MIR2052HG: variants seen among roughly 807,000 people sequenced by gnomAD.
The protein encoded by MIR2052HG is MIR2052 host gene.
At chr8:74,600,115 T>G (rs1322166683) in intron 1 of MIR2052HG, among the ~76,000 whole-genome samples, 1 of 152,018 alleles carries the variant, frequency 6.6e-6, no homozygotes, top group South Asian at 2.1e-4. Flanking sequence ...CCACTGACCT[T>G]CGCCCACTGT....
chr8:74,700,062 A>G (rs973492882), intron 2 of MIR2052HG, among the ~76,000 whole-genome samples: 3 of 152,166 alleles, frequency 2.0e-5, no homozygotes, highest in African/African-American at 7.2e-5. Flanking sequence ...TGAAGGTAAA[A>G]TCATTTTACC....
At chr8:74,678,394 A>C (rs1179470796) in intron 2 of MIR2052HG, among the ~76,000 whole-genome samples, 7 of 152,062 alleles carry the variant, frequency 4.6e-5, no homozygotes, top group Non-Finnish European at 1.5e-5. Flanking sequence ...CCCCGTCTCT[A>C]CTAAAAATAA....
At chr8:74,604,294 C>A in intron 1 of MIR2052HG, 2 of 726,052 alleles carry the variant, frequency 2.8e-6, no homozygotes, top group South Asian at 2.8e-5. Context: ...AGTCTTTGGT[C>A]ACTGATGGGG....
intron 2 of MIR2052HG, among the ~76,000 whole-genome samples, chr8:74,627,711 T>C (rs1808454620): frequency 6.6e-6 from 1 of 152,212 alleles, no homozygotes; most frequent in Non-Finnish European, 1.5e-5. Context: ...TGGTTGTCCA[T>C]GTAATGGTGT....
intron 2 of MIR2052HG, among the ~76,000 whole-genome samples, chr8:74,634,206 G>A (rs1808553848): frequency 1.3e-5 from 2 of 152,144 alleles, no homozygotes; most frequent in Admixed American, 1.3e-4. Context: ...CTTAGAACAG[G>A]CATTCAGGAA....
chr8:74,739,312 C>A (rs1809802898), intron 4 of MIR2052HG, among the ~76,000 whole-genome samples: 1 of 152,166 alleles, frequency 6.6e-6, no homozygotes, highest in Non-Finnish European at 1.5e-5. Context: ...GTGAAATCAA[C>A]TATAAGCTGC....
At chr8:74,752,352 G>A in intron 4 of MIR2052HG, 1 of 391,232 alleles carries the variant, frequency 2.6e-6, no homozygotes, top group South Asian at 1.8e-5. Flanking sequence ...CAAAGGCATA[G>A]GTCTCAATTA....
At position 74,679,334 on chromosome 8, in the gene MIR2052HG, A is replaced by G. The variant is rs544179596; in HGVS notation, n.217-23045A>G. Among the ~76,000 whole-genome samples the G allele has an allele frequency of 2.0e-5, 3 of 152,126 alleles. No individual in the cohort carries two copies. The South Asian group carries it at 6.2e-4, about 32-fold the overall frequency. On this transcript the variant is annotated intron_variant and non_coding_transcript_variant, in intron 2 of 6. Coordinates refer to ENST00000523442, the Ensembl canonical transcript of MIR2052HG. ...AGCTTAGCTCCCACTTATAAGTGAC[A>G]ACACATGATATTTGGTTTTCCATTC...
intron 2 of MIR2052HG, among the ~76,000 whole-genome samples, chr8:74,634,070 T>A (rs1808552150): frequency 6.6e-6 from 1 of 152,098 alleles, no homozygotes; most frequent in South Asian, 2.1e-4. Context: ...TTCAGTAAGG[T>A]GGAGAGGCTT....
At chr8:74,722,404 A>G (rs1319992232) in intron 4 of MIR2052HG, among the ~76,000 whole-genome samples, 2 of 152,204 alleles carry the variant, frequency 1.3e-5, no homozygotes, top group African/African-American at 2.4e-5. Flanking sequence ...TTAGCATCCT[A>G]TTGATTTCCA....
chr8:74,608,228 C>T (rs1808140735), intron 1 of MIR2052HG, among the ~76,000 whole-genome samples: 1 of 150,814 alleles, frequency 6.6e-6, no homozygotes, highest in Admixed American at 6.6e-5. Context: ...ATTAGATGAA[C>T]TTGCCCTATA....
At chr8:74,695,540 C>G (rs893221255) in intron 2 of MIR2052HG, among the ~76,000 whole-genome samples, 1 of 152,160 alleles carries the variant, frequency 6.6e-6, no homozygotes, top group South Asian at 2.1e-4. Context: ...AATTCACTAA[C>G]CAAGTATCTT....
At chr8:74,707,278 C>A (rs533740174) in intron 4 of MIR2052HG, among the ~76,000 whole-genome samples, 1 of 152,180 alleles carries the variant, frequency 6.6e-6, no homozygotes, top group African/African-American at 2.4e-5. Flanking sequence ...GTCTAATGGC[C>A]ACATCTGCCC....
intron 2 of MIR2052HG, among the ~76,000 whole-genome samples, chr8:74,680,398 T>C (rs940913129): frequency 6.6e-6 from 1 of 151,666 alleles, no homozygotes; most frequent in Non-Finnish European, 1.5e-5. Flanking sequence ...AAAAAGTGGG[T>C]GAAGGACATG....
At chr8:74,608,030 A>G (rs1808137457) in intron 1 of MIR2052HG, among the ~76,000 whole-genome samples, 2 of 152,238 alleles carry the variant, frequency 1.3e-5, no homozygotes, top group African/African-American at 4.8e-5. Flanking sequence ...AAGGTGTCCA[A>G]AAACTCTCCA....
intron 1 of MIR2052HG, among the ~76,000 whole-genome samples, chr8:74,612,201 C>T (rs764775670): frequency 2.0e-4 from 30 of 152,314 alleles, no homozygotes; most frequent in Admixed American, 5.9e-4. Context: ...CTTTATCTCA[C>T]AATGTTCCAT....
At chr8:74,615,540 T>C (rs1401967494) in intron 2 of MIR2052HG, among the ~76,000 whole-genome samples, 1 of 152,154 alleles carries the variant, frequency 6.6e-6, no homozygotes, top group Non-Finnish European at 1.5e-5. Context: ...ATTTACATTT[T>C]CCCTGATAAC....
intron 4 of MIR2052HG, among the ~76,000 whole-genome samples, chr8:74,751,125 C>T (rs536112634): frequency 2.6e-5 from 4 of 152,078 alleles, no homozygotes; most frequent in Non-Finnish European, 4.4e-5. Flanking sequence ...CGGTCGTTTG[C>T]GGTCATGTGC....
At chr8:74,726,697 A>G (rs1223501250) in intron 4 of MIR2052HG, among the ~76,000 whole-genome samples, 1 of 152,180 alleles carries the variant, frequency 6.6e-6, no homozygotes, top group Non-Finnish European at 1.5e-5. Flanking sequence ...TCAGTTATGG[A>G]CCAGGGACAG....
Sources: allele counts gnomAD v4.1 joint callset (sites outside exome capture counted in the v4.1 genomes callset), GRCh38; gene constraint gnomAD v4.1.1; transcripts MANE v1.5; gene names NCBI Gene and HGNC (gene_info 2026-07-23, HGNC 2026-07-21).